BCHE: variants seen among roughly 807,000 people sequenced by gnomAD.
BCHE encodes cholinesterase.
Under a neutral mutation model 51.3 loss-of-function variants are expected in BCHE, and 48 were observed. That is an observed-to-expected ratio of 0.94 (90% CI 0.74 to 1.19). The LOEUF (loss-of-function observed/expected upper bound fraction) is 1.19, where lower values mean the gene tolerates loss of function less well. Ranked by LOEUF, BCHE falls within the 50% of genes most tolerant of loss-of-function variation. BCHE has a pLI of 0.00. For synonymous variants in BCHE, 251 were observed against 238.0 expected, an observed-to-expected ratio of 1.05 and a Z score of -0.50; for missense variants, 847 against 708.2, an observed-to-expected ratio of 1.20 and a Z score of -2.23.
intron 2 of BCHE, among the ~76,000 whole-genome samples, chr3:165,797,329 C>T (rs1220554996): frequency 6.9e-4 from 42 of 61,140 alleles, no homozygotes; most frequent in Middle Eastern, 7.9e-3. Flanking sequence ...TCCTTCCTTC[C>T]TCCCTCCCTC....
rs1269082841 is a variant in BCHE at position 165,829,579 on chromosome 3, TG to T, written c.1454del (p.Thr485LysfsTer7). The T allele has an allele frequency of 6.2e-7, 1 of 1,613,846 alleles. No individual in the cohort carries two copies. Among genetic ancestry groups the T allele is most frequent in the Non-Finnish European group, 8.5e-7 (1 of 1,179,858 alleles). On this transcript the variant is annotated frameshift_variant, in exon 2 of 4. Coordinates refer to ENST00000264381, the MANE Select transcript of BCHE (RefSeq NM_000055.4). LOFTEE classifies it high-confidence loss of function. Reference protein sequence around the residue: ...GLPLERRDNYTKAEEILSRSI... With the variant: ...GLPLERRDNYXKAEEILSRSI... The stretch of plus-strand genomic sequence containing the variant: ...ATCTACTCAAAATTTCCTCGGCTTT[TG>T]TGTAATTATCTCTTCTTTCCAGAGG...
intron 3 of BCHE, among the ~76,000 whole-genome samples, chr3:165,780,411 G>T (rs1576834729): frequency 6.6e-6 from 1 of 152,140 alleles, no homozygotes; most frequent in African/African-American, 2.4e-5. Context: ...TTGACAAATA[G>T]GGTATAATTA....
At chr3:165,805,646 C>A (rs912640587) in intron 2 of BCHE, among the ~76,000 whole-genome samples, 1 of 152,134 alleles carries the variant, frequency 6.6e-6, no homozygotes, top group African/African-American at 2.4e-5. Context: ...ATAGCAATAA[C>A]CTAAATCATT....
chr3:165,823,952 T>A (rs1378139905), intron 2 of BCHE, among the ~76,000 whole-genome samples: 3 of 119,146 alleles, frequency 2.5e-5, no homozygotes, highest in Admixed American at 8.9e-5. Context: ...TTTTTTTTTT[T>A]AATGTAGAGA....
chr3:165,797,131 T>C (rs1249198502), intron 2 of BCHE, among the ~76,000 whole-genome samples: 3 of 131,340 alleles, frequency 2.3e-5, no homozygotes, highest in Non-Finnish European at 3.3e-5. Context: ...TTCCCTCCCT[T>C]CCTTCCTTCC....
intron 2 of BCHE, among the ~76,000 whole-genome samples, chr3:165,819,311 C>T (rs1308451562): frequency 6.6e-6 from 1 of 151,842 alleles, no homozygotes; most frequent in African/African-American, 2.4e-5. Flanking sequence ...CTCCTGACCT[C>T]GGATGATCCT....
At chr3:165,777,793 A>C (rs759470996) in intron 3 of BCHE, 102 of 453,332 alleles carry the variant, frequency 2.3e-4, no homozygotes, top group South Asian at 1.5e-3. Flanking sequence ...CCTACTCCTC[A>C]GCCTACTCAA....
chr3:165,826,097 A>T (rs1714711172), intron 2 of BCHE, among the ~76,000 whole-genome samples: 1 of 151,916 alleles, frequency 6.6e-6, no homozygotes, highest in African/African-American at 2.4e-5. Context: ...CAGTTTCTTT[A>T]AAAAAAATAA....
chr3:165,797,973 T>C (rs149992517), intron 2 of BCHE, among the ~76,000 whole-genome samples: 286 of 152,324 alleles, frequency 1.9e-3, no homozygotes, highest in African/African-American at 6.7e-3. Flanking sequence ...CAAATAATTG[T>C]TCTTGAATTC....
At position 165,775,488 on chromosome 3, in the gene BCHE, G is replaced by T. The variant is rs912071258; in HGVS notation, c.1685-1982C>A. Among the ~76,000 whole-genome samples the T allele has an allele frequency of 1.5e-4, 22 of 151,480 alleles. 1 individual carries two copies. The highest frequency in any genetic ancestry group is 2.1e-4 in the South Asian group (1 of 4,798). The stretch of plus-strand genomic sequence containing the variant: ...GTCTTTTAAAAAATAACAAAATGTT[G>T]TTTTAAATCTTACTTATATAAAATA... On this transcript the variant is annotated intron_variant, in intron 3 of 3. Coordinates refer to ENST00000264381, the MANE Select transcript of BCHE (RefSeq NM_000055.4).
chr3:165,804,225 T>C (rs183307043), intron 2 of BCHE, among the ~76,000 whole-genome samples: 90 of 152,152 alleles, frequency 5.9e-4, no homozygotes, highest in African/African-American at 2.0e-3. Context: ...AATGAGATAA[T>C]TGGGATAGTG....
At chr3:165,781,008 G>A (rs1001497115) in intron 3 of BCHE, among the ~76,000 whole-genome samples, 2 of 152,072 alleles carry the variant, frequency 1.3e-5, no homozygotes, top group African/African-American at 4.8e-5. Flanking sequence ...TTGGGAGGCC[G>A]AGGTAGGTGG....
chr3:165,804,739 A>G (rs150347085), intron 2 of BCHE, among the ~76,000 whole-genome samples: 286 of 152,318 alleles, frequency 1.9e-3, no homozygotes, highest in African/African-American at 6.7e-3. Context: ...GAAGTGTTGA[A>G]GGAATAAATT....
chr3:165,797,991 T>C (rs1408402643), intron 2 of BCHE, among the ~76,000 whole-genome samples: 1 of 152,224 alleles, frequency 6.6e-6, no homozygotes, highest in African/African-American at 2.4e-5. Flanking sequence ...TTCAAAGTTA[T>C]TGACTTTATA....
At chr3:165,774,480 C>T (rs777933872) in intron 3 of BCHE, among the ~76,000 whole-genome samples, 3 of 151,896 alleles carry the variant, frequency 2.0e-5, no homozygotes, top group Non-Finnish European at 4.4e-5. Context: ...ATTACAGGCG[C>T]GTGCACCACC....
chr3:165,781,420 A>G (rs535831005), intron 3 of BCHE, among the ~76,000 whole-genome samples: 1 of 152,308 alleles, frequency 6.6e-6, no homozygotes, highest in African/African-American at 2.4e-5. Context: ...GTATGAGATA[A>G]TGTCCTTTGC....
chr3:165,836,911 GA>G (rs993667815), intron 1 of BCHE, among the ~76,000 whole-genome samples: 4 of 148,654 alleles, frequency 2.7e-5, no homozygotes, highest in South Asian at 2.1e-4. Context: ...CATTTAAAAA[GA>G]AAAAAAAAGG....
intron 3 of BCHE, among the ~76,000 whole-genome samples, chr3:165,779,140 G>T (rs1156794775): frequency 6.6e-6 from 1 of 152,080 alleles, no homozygotes; most frequent in Non-Finnish European, 1.5e-5. Context: ...TCGTACTACG[G>T]ATGCAAGTAC....
At chr3:165,802,194 T>C (rs2108214787) in intron 2 of BCHE, among the ~76,000 whole-genome samples, 1 of 152,336 alleles carries the variant, frequency 6.6e-6, no homozygotes, top group East Asian at 1.9e-4. Context: ...TATCAGAGCG[T>C]ATTTATCCAT....
Sources: gnomAD v4.1 joint callset for allele counts (sites outside exome capture counted in the v4.1 genomes callset) on GRCh38, gnomAD v4.1.1 for gene constraint, MANE v1.5 for transcripts, NCBI Gene and HGNC (gene_info 2026-07-23, HGNC 2026-07-21) for gene names.